The following IMMP1L variants were observed in gnomAD, a reference collection of about 807,000 sequenced individuals.
IMMP1L encodes the protein inner mitochondrial membrane peptidase subunit 1.
IMMP1L carries 24 observed loss-of-function variants against 21.8 expected under a neutral mutation model. The ratio of observed to expected loss-of-function variants is 1.10; its 90% CI spans 0.80 to 1.55. The LOEUF (loss-of-function observed/expected upper bound fraction) is 1.55, where lower values mean the gene tolerates loss of function less well. Among genes scored for constraint, IMMP1L ranks in the 40% most tolerant of loss-of-function variants. IMMP1L has a pLI of 0.00. For missense variants in IMMP1L, 195 were observed against 200.7 expected (o/e 0.97, Z 0.17); for synonymous variants, 46 against 62.8 (o/e 0.73, Z 1.26).
At chr11:31,493,772 A>G (rs779652695) in intron 1 of IMMP1L, among the ~76,000 whole-genome samples, 5 of 152,226 alleles carry the variant, frequency 3.3e-5, no homozygotes, top group Non-Finnish European at 5.9e-5. Flanking sequence ...AATGGTAGAA[A>G]TTGGCCAAAA....
chr11:31,492,593 C>T (rs533603947), intron 1 of IMMP1L, among the ~76,000 whole-genome samples: 1 of 152,312 alleles, frequency 6.6e-6, no homozygotes, highest in East Asian at 1.9e-4. Flanking sequence ...TCATTTCTAG[C>T]TTTTGATTTA....
chr11:31,435,708 T>C (rs184374713), intron 4 of IMMP1L, among the ~76,000 whole-genome samples: 1 of 152,130 alleles, frequency 6.6e-6, no homozygotes, highest in Non-Finnish European at 1.5e-5. Flanking sequence ...GATCTCCTTT[T>C]TTTCCCTCAT....
At chr11:31,433,120 A>G (rs1952974810) in intron 5 of IMMP1L, among the ~76,000 whole-genome samples, 1 of 152,232 alleles carries the variant, frequency 6.6e-6, no homozygotes, top group African/African-American at 2.4e-5. Flanking sequence ...GTTTGAATCT[A>G]GACTGTTCTT....
At chr11:31,486,347 AG>A (rs1273972869) in intron 1 of IMMP1L, among the ~76,000 whole-genome samples, 1 of 151,858 alleles carries the variant, frequency 6.6e-6, no homozygotes, top group Non-Finnish European at 1.5e-5. Context: ...AAAGTGAAGG[AG>A]TTATAGAAGG....
At chr11:31,438,630 T>G (rs926355797) in intron 4 of IMMP1L, among the ~76,000 whole-genome samples, 1 of 152,178 alleles carries the variant, frequency 6.6e-6, no homozygotes, top group South Asian at 2.1e-4. Flanking sequence ...ATTTTATAGC[T>G]TTAGCTTTGA....
intron 1 of IMMP1L, among the ~76,000 whole-genome samples, chr11:31,503,967 T>TA (rs1421219047): frequency 6.6e-6 from 1 of 152,214 alleles, no homozygotes; most frequent in African/African-American, 2.4e-5. Context: ...GATGATGCGA[T>TA]ATAGCAAGGA....
At chr11:31,471,637 C>T (rs1954554839) in intron 1 of IMMP1L, among the ~76,000 whole-genome samples, 1 of 152,062 alleles carries the variant, frequency 6.6e-6, no homozygotes, top group South Asian at 2.1e-4. Context: ...TATGAGTTAA[C>T]ATACTGGTAG....
chr11:31,448,809 A>G (rs1372987936), intron 4 of IMMP1L: 2 of 297,744 alleles, frequency 6.7e-6, no homozygotes, highest in Non-Finnish European at 9.9e-6. Flanking sequence ...CACATCAGAA[A>G]ACACTTTAAG....
At chr11:31,446,358 T>A (rs765687401) in intron 4 of IMMP1L, among the ~76,000 whole-genome samples, 8 of 152,192 alleles carry the variant, frequency 5.3e-5, no homozygotes, top group Non-Finnish European at 1.0e-4. Flanking sequence ...TCTAATAGTC[T>A]ACACTAACAA....
chr11:31,456,906 A>G (rs1383871556), intron 3 of IMMP1L, among the ~76,000 whole-genome samples: 1 of 135,362 alleles, frequency 7.4e-6, no homozygotes, highest in Non-Finnish European at 1.6e-5. Flanking sequence ...AAAAAAAACC[A>G]CACACACAAA....
chr11:31,435,029 A>G (rs1411792447), intron 4 of IMMP1L, among the ~76,000 whole-genome samples: 2 of 152,232 alleles, frequency 1.3e-5, no homozygotes, highest in African/African-American at 2.4e-5. Flanking sequence ...TATTTGATAA[A>G]GCTATAAGGT....
chr11:31,479,088 C>G (rs180790016), intron 1 of IMMP1L, among the ~76,000 whole-genome samples: 26 of 152,066 alleles, frequency 1.7e-4, no homozygotes, highest in African/African-American at 6.3e-4. Flanking sequence ...TTTACACAAA[C>G]ATCTGTCCAG....
intron 4 of IMMP1L, chr11:31,452,664 T>C: frequency 1.0e-6 from 1 of 987,380 alleles, no homozygotes; most frequent in East Asian, 1.1e-4. Context: ...ATCTTTACAG[T>C]AGCCAATGCT....
At chr11:31,485,416 G>A (rs1243735947) in intron 1 of IMMP1L, among the ~76,000 whole-genome samples, 1 of 151,768 alleles carries the variant, frequency 6.6e-6, no homozygotes, top group Non-Finnish European at 1.5e-5. Flanking sequence ...CCCCAAATAA[G>A]GATACGCAAC....
At chr11:31,436,149 T>A (rs2133538792) in intron 4 of IMMP1L, among the ~76,000 whole-genome samples, 1 of 152,278 alleles carries the variant, frequency 6.6e-6, no homozygotes, top group Admixed American at 6.5e-5. Flanking sequence ...GATTAATACA[T>A]TTATTGCAAA....
intron 3 of IMMP1L, among the ~76,000 whole-genome samples, chr11:31,457,690 G>A (rs1953994392): frequency 1.3e-5 from 2 of 152,020 alleles, no homozygotes; most frequent in South Asian, 4.1e-4. Flanking sequence ...ATTTAGCTTG[G>A]GAGGTAAGAC....
intron 1 of IMMP1L, among the ~76,000 whole-genome samples, chr11:31,484,632 C>T (rs1367957617): frequency 6.6e-6 from 1 of 151,702 alleles, no homozygotes; most frequent in Non-Finnish European, 1.5e-5. Flanking sequence ...AATAAATTCC[C>T]AAAATTGGTA....
rs530466583 is a variant in IMMP1L at position 31,446,446 on chromosome 11, A to G, written c.321+9814T>C. ...CCTGCTTGAAACATAAAAGGAACTG[A>G]GCCTTGTTTAATTCTTATTTTTAGG... is the stretch of plus-strand genomic sequence containing the variant. On this transcript the variant is annotated intron_variant, in intron 4 of 5. Transcript: ENST00000532287. 9.2e-5 allele frequency among the ~76,000 whole-genome samples: 14 copies of G among 152,296 alleles called. No homozygotes were observed. In the East Asian group the frequency reaches 2.7e-3, roughly 29 times the overall value.
At position 31,458,862 on chromosome 11, in the gene IMMP1L, C is replaced by T. The variant is rs546122955; in HGVS notation, c.194+1764G>A. ...ATTTGTTTCACTTATCTGAATGCAA[C>T]GAGTAATTTTTTTAAAAATATCAAG... On this transcript the variant is annotated intron_variant, in intron 3 of 5. Coordinates refer to ENST00000532287, the MANE Select transcript of IMMP1L (RefSeq NM_001304274.2). Among the ~76,000 whole-genome samples, 82 of 152,214 alleles carry T rather than the reference C, an allele frequency of 5.4e-4. 3 individuals are homozygous for T. In the South Asian group the frequency reaches 0.015, roughly 28 times the overall value.
Sources: allele counts gnomAD v4.1 joint callset (sites outside exome capture counted in the v4.1 genomes callset), GRCh38; gene constraint gnomAD v4.1.1; transcripts MANE v1.5; gene names NCBI Gene and HGNC (gene_info 2026-07-23, HGNC 2026-07-21).